Variants in DEPTOR observed in about 807,000 individuals in gnomAD.
The protein encoded by DEPTOR is DEP domain-containing mTOR-interacting protein.
Under a neutral mutation model 41.6 loss-of-function variants are expected in DEPTOR, and 41 were observed. The ratio of observed to expected loss-of-function variants is 0.98; its 90% CI spans 0.77 to 1.28. DEPTOR has a LOEUF of 1.28. Ranked by LOEUF, DEPTOR falls within the 50% of genes most tolerant of loss-of-function variation. DEPTOR has a pLI of 0.00. For missense variants in DEPTOR, 514 were observed against 527.9 expected (o/e 0.97, Z 0.26); for synonymous variants, 195 against 192.3 (o/e 1.01, Z -0.12).
At chr8:119,992,780 C>A (rs895362599) in intron 4 of DEPTOR, among the ~76,000 whole-genome samples, 15 of 151,760 alleles carry the variant, frequency 9.9e-5, no homozygotes, top group Admixed American at 9.9e-4. Context: ...CCTCAGTCTC[C>A]CAAGTAGCTG....
intron 3 of DEPTOR, among the ~76,000 whole-genome samples, chr8:119,940,466 C>T (rs1463893970): frequency 6.6e-6 from 1 of 152,156 alleles, no homozygotes; most frequent in Non-Finnish European, 1.5e-5. Context: ...AAAAATATGG[C>T]CGGGCACAGT....
At chr8:120,042,524 T>G (rs1251150049) in intron 8 of DEPTOR, among the ~76,000 whole-genome samples, 1 of 152,210 alleles carries the variant, frequency 6.6e-6, no homozygotes, top group Non-Finnish European at 1.5e-5. Flanking sequence ...TTTTATTTTA[T>G]TTTTTATTTT....
rs1827472847 is a variant in DEPTOR at position 119,893,125 on chromosome 8, T to C, written c.122+19157T>C. Reference sequence around the variant, plus strand: ...CAATTACATCTTTCAAGTGAAGGTATAGTGGTTAGGGGCAGGAATTCTTTA... The same window carrying C: ...CAATTACATCTTTCAAGTGAAGGTACAGTGGTTAGGGGCAGGAATTCTTTA... On this transcript the variant is annotated intron_variant, in intron 1 of 8. Coordinates refer to ENST00000286234, the MANE Select transcript of DEPTOR (RefSeq NM_022783.4). Among the ~76,000 whole-genome samples the C allele has an allele frequency of 3.9e-5, 6 of 152,316 alleles. No individual in the cohort carries two copies. The South Asian group carries it at 1.2e-3, about 32-fold the overall frequency.
At chr8:120,008,939 T>C in intron 7 of DEPTOR, 90 bp from the exon 8 acceptor site, 1 of 1,205,248 alleles carries the variant, frequency 8.3e-7, no homozygotes, top group Non-Finnish European at 1.2e-6. Context: ...CAGTGTATAC[T>C]TAATCCTGGG....
At chr8:120,000,860 T>C (rs1010017052) in intron 4 of DEPTOR, among the ~76,000 whole-genome samples, 2 of 151,542 alleles carry the variant, frequency 1.3e-5, no homozygotes, top group African/African-American at 4.8e-5. Context: ...AGTGGATCAG[T>C]TGAGGTCAGG....
At chr8:119,987,324 C>T (rs978588179) in intron 4 of DEPTOR, among the ~76,000 whole-genome samples, 2 of 152,186 alleles carry the variant, frequency 1.3e-5, no homozygotes, top group African/African-American at 2.4e-5. Context: ...TGGAGGTCTA[C>T]TCCAGACCCT....
chr8:119,973,154 C>G (rs1814953), intron 4 of DEPTOR, among the ~76,000 whole-genome samples: 112,821 of 151,794 alleles, frequency 0.74, 42,076 homozygotes, highest in Middle Eastern at 0.86. Flanking sequence ...GGTCAGGCTG[C>G]TCTCGAACTC....
intron 1 of DEPTOR, among the ~76,000 whole-genome samples, chr8:119,905,983 C>G (rs781639418): frequency 6.6e-6 from 1 of 152,118 alleles, no homozygotes; most frequent in African/African-American, 2.4e-5. Flanking sequence ...TTTACAGAGA[C>G]AGCATCTCGC....
chr8:119,964,513 CTCA>C (rs1828530726), intron 3 of DEPTOR, among the ~76,000 whole-genome samples: 1 of 53,386 alleles, frequency 1.9e-5, no homozygotes. Context: ...GAAAGCCCGT[CTCA>C]AAAAAAAAAA....
chr8:119,978,719 G>A (rs1828727028), intron 4 of DEPTOR, among the ~76,000 whole-genome samples: 1 of 152,138 alleles, frequency 6.6e-6, no homozygotes, highest in African/African-American at 2.4e-5. Context: ...TCCTTATGCA[G>A]GTATAAACAA....
At chr8:119,944,055 T>C (rs1828238121) in intron 3 of DEPTOR, among the ~76,000 whole-genome samples, 1 of 152,142 alleles carries the variant, frequency 6.6e-6, no homozygotes, top group South Asian at 2.1e-4. Flanking sequence ...TTAGCCAGGA[T>C]GGTCTCGGTC....
intron 1 of DEPTOR, among the ~76,000 whole-genome samples, chr8:119,921,756 T>TG (rs1054388449): frequency 1.4e-4 from 20 of 146,656 alleles, no homozygotes; most frequent in Admixed American, 8.0e-4. Flanking sequence ...TAGTTTTTTT[T>TG]TTTGTTTGTT....
At chr8:119,902,948 C>T (rs1418039411) in intron 1 of DEPTOR, among the ~76,000 whole-genome samples, 2 of 152,110 alleles carry the variant, frequency 1.3e-5, no homozygotes, top group African/African-American at 2.4e-5. Flanking sequence ...AGAACCTGTA[C>T]ATTTGGAGAC....
At chr8:119,981,254 C>CAA (rs1828763467) in intron 4 of DEPTOR, among the ~76,000 whole-genome samples, 1 of 152,158 alleles carries the variant, frequency 6.6e-6, no homozygotes, top group Non-Finnish European at 1.5e-5. Context: ...TCTACACTAC[C>CAA]AATTATATTT....
intron 4 of DEPTOR, among the ~76,000 whole-genome samples, chr8:119,980,160 C>CAA (rs548586298): frequency 0.043 from 5,011 of 115,592 alleles, 85 homozygotes; most frequent in African/African-American, 0.055. Context: ...GTAGAAATAG[C>CAA]AAAAAAAAAA....
chr8:120,039,560 T>TAAC (rs111893738), intron 8 of DEPTOR, among the ~76,000 whole-genome samples: 67,260 of 151,762 alleles, frequency 0.44, 15,873 homozygotes, highest in African/African-American at 0.61. Flanking sequence ...ATCAAAATAA[T>TAAC]TTTTCTTTCA....
chr8:120,009,711 A>C (rs369135977), intron 8 of DEPTOR, among the ~76,000 whole-genome samples: 34 of 152,210 alleles, frequency 2.2e-4, no homozygotes, highest in African/African-American at 8.2e-4. Context: ...TGCCATGTGT[A>C]CTTTTTCTCC....
chr8:119,893,771 G>A (rs1363790955), intron 1 of DEPTOR, among the ~76,000 whole-genome samples: 2 of 76,602 alleles, frequency 2.6e-5, no homozygotes, highest in South Asian at 3.8e-4. Context: ...AGAAGACTCC[G>A]TCTCAAAAAA....
chr8:119,946,596 T>C (rs1269200149), intron 3 of DEPTOR, among the ~76,000 whole-genome samples: 2 of 152,002 alleles, frequency 1.3e-5, no homozygotes, highest in Non-Finnish European at 2.9e-5. Flanking sequence ...TAGCCGGGTG[T>C]GGTGGCACAT....
Sources: allele counts gnomAD v4.1 joint callset (sites outside exome capture counted in the v4.1 genomes callset), GRCh38; gene constraint gnomAD v4.1.1; transcripts MANE v1.5; gene names NCBI Gene and HGNC (gene_info 2026-07-23, HGNC 2026-07-21).